The following SLC34A2 variants were observed in gnomAD, a reference collection of about 807,000 sequenced individuals.
SLC34A2 encodes the protein sodium-dependent phosphate transport protein 2B.
Under a neutral mutation model 50.8 loss-of-function variants are expected in SLC34A2, and 41 were observed. That is an observed-to-expected ratio of 0.81 (90% CI 0.63 to 1.05). The LOEUF (loss-of-function observed/expected upper bound fraction) is 1.05, where lower values mean the gene tolerates loss of function less well. SLC34A2 is among the 50% of genes least tolerant of loss of function. The pLI, the probability that SLC34A2 is intolerant of heterozygous loss-of-function variation, is 0.00. For synonymous variants in SLC34A2, 401 were observed against 364.2 expected (o/e 1.10, Z -1.15); for missense variants, 879 against 876.7 (o/e 1.00, Z -0.03).
rs1715230708 is a variant in SLC34A2, at chr4:25,677,885, T to A, written c.*1136T>A. 6.6e-6 allele frequency: 1 copy of A among 152,246 alleles called. No homozygotes were observed. Among genetic ancestry groups the A allele is most frequent in the South Asian group, 2.1e-4 (1 of 4,826 alleles). The allele number at this position is 152,246 out of a possible 1,614,324, so 9.4% of individuals were successfully genotyped here. ...AGATGGGCTTTGATTAGCTGTCCTC[T>A]CTCCATGCCTGCAAAGCTCCAGATT... On this transcript the variant is annotated 3_prime_UTR_variant, in exon 13 of 13. Coordinates refer to ENST00000382051, the MANE Select transcript of SLC34A2 (RefSeq NM_006424.3).
intron 12 of SLC34A2, among the ~76,000 whole-genome samples, chr4:25,675,392 C>T (rs1028894506): frequency 1.3e-5 from 2 of 152,200 alleles, no homozygotes; most frequent in Non-Finnish European, 1.5e-5. Context: ...GTGATCTAAC[C>T]TGAGCGTCAA....
intron 1 of SLC34A2, among the ~76,000 whole-genome samples, chr4:25,661,710 C>T (rs1714194328): frequency 1.3e-5 from 2 of 152,094 alleles, no homozygotes; most frequent in African/African-American, 2.4e-5. Flanking sequence ...TTCACATACA[C>T]ACTAAGTTGT....
At chr4:25,670,681 G>A in intron 7 of SLC34A2, 57 bp from the exon 8 acceptor site, 2 of 1,379,260 alleles carry the variant, frequency 1.5e-6, no homozygotes, top group Non-Finnish European at 2.1e-6. Flanking sequence ...CCCTGGGTTT[G>A]TGTCCTAAAT....
rs772094347 is a variant in SLC34A2, at chr4:25,667,932, G to C, written c.576G>C (p.Thr192=). The stretch of plus-strand genomic sequence containing the variant: ...TTATCATGGGGGCCAACATTGGAAC[G>C]TCAATCACCAACACTATTGTTGCGC... The part of the protein sequence containing the change: ...IPIIMGANIG[T]SITNTIVALM... The change falls in exon 6 of 13, where the codon ACG becomes ACC. Residue 192 remains threonine (T), a synonymous_variant. Transcript: ENST00000382051. 2 of 1,614,066 alleles carry C rather than the reference G, an allele frequency of 1.2e-6. No individual in the cohort carries two copies. Among genetic ancestry groups the C allele is most frequent in the Non-Finnish European group, 1.7e-6 (2 of 1,179,928 alleles).
chr4:25,676,659 T>C lies in SLC34A2; in HGVS notation c.1983T>C (p.Ala661=). ...AQEGQDVPVK[A]PETFDNITIS... is the part of the protein sequence containing the mutation. ...AGGGGCAGGATGTCCCTGTCAAGGC[T>C]CCTGAGACCTTTGATAACATAACCA... is the stretch of plus-strand genomic sequence containing the variant. Residue 661 remains alanine (A), a synonymous_variant, in exon 13 of 13, where the codon GCT becomes GCC. Transcript: ENST00000382051. 6.2e-7 allele frequency: 1 copy of C among 1,614,188 alleles called. No homozygotes were observed. Among genetic ancestry groups the C allele is most frequent in the Non-Finnish European group, 8.5e-7 (1 of 1,180,034 alleles).
chr4:25,676,907 G>A lies in SLC34A2; in HGVS notation c.*158G>A, dbSNP rs1409896681. 1 of 963,900 alleles carries A rather than the reference G, an allele frequency of 1.0e-6. No homozygotes were observed. The highest frequency in any genetic ancestry group is 1.4e-6 in the Non-Finnish European group (1 of 694,610). 59.7% of individuals were successfully genotyped at this position (963,900 alleles called of 1,614,324 possible). ...TACCTAACTCGATTCCCTTTGGCTT[G>A]GTGGTAGGCCTGCAGGGCACTTTTA... On this transcript the variant is annotated 3_prime_UTR_variant, in exon 13 of 13. Coordinates refer to ENST00000382051, the MANE Select transcript of SLC34A2 (RefSeq NM_006424.3).
At chr4:25,669,625 T>A (rs368328518) in intron 6 of SLC34A2, 22 bp from the exon 7 acceptor site, 141 of 1,612,374 alleles carry the variant, frequency 8.7e-5, no homozygotes, top group Non-Finnish European at 1.0e-4. Flanking sequence ...CTAATCTGGC[T>A]GTCGGGGTTT....
At chr4:25,663,251 G>A (rs1714310856) in intron 3 of SLC34A2, among the ~76,000 whole-genome samples, 1 of 152,252 alleles carries the variant, frequency 6.6e-6, no homozygotes, top group African/African-American at 2.4e-5. Flanking sequence ...ACAGCACCCG[G>A]CCACCCTCCC....
intron 7 of SLC34A2, among the ~76,000 whole-genome samples, chr4:25,670,426 A>C (rs939129561): frequency 2.6e-5 from 4 of 152,148 alleles, no homozygotes; most frequent in African/African-American, 9.7e-5. Context: ...CCTCAACACC[A>C]GTGGACTTGA....
At chr4:25,656,872 G>A (rs184411460) in intron 1 of SLC34A2, among the ~76,000 whole-genome samples, 167 of 152,270 alleles carry the variant, frequency 1.1e-3, no homozygotes, top group Non-Finnish European at 1.8e-4. Flanking sequence ...ATCGCTCTGG[G>A]CCTTGTCGTT....
At chr4:25,665,650 C>T (rs751179765) in intron 4 of SLC34A2, among the ~76,000 whole-genome samples, 29 of 152,156 alleles carry the variant, frequency 1.9e-4, no homozygotes, top group Non-Finnish European at 3.1e-4. Context: ...CATTCAATTA[C>T]AGGCTGGTGC....
rs67542457 is a variant in SLC34A2, at chr4:25,678,687, ATT to A, written c.*1956_*1957del. ...TGAGCCACCACCAGGCCTGATTGTA[ATT>A]TTTTTTTTTTTTTTTTTACTGGTTA... On this transcript the variant is annotated 3_prime_UTR_variant, in exon 13 of 13. Transcript: ENST00000382051. 0.24 allele frequency: 76,782 copies of A among 319,956 alleles called. 5,408 individuals carry two copies. The highest frequency in any genetic ancestry group is 0.28 in the Middle Eastern group (284 of 1,014). The allele number at this position is 319,956 out of a possible 1,614,324, so 19.8% of individuals were successfully genotyped here.
At chr4:25,670,482 T>C (rs947162776) in intron 7 of SLC34A2, among the ~76,000 whole-genome samples, 2 of 152,184 alleles carry the variant, frequency 1.3e-5, no homozygotes, top group Non-Finnish European at 2.9e-5. Flanking sequence ...CTCAGCCCCT[T>C]CTCCCTGGGT....
At position 25,667,957 on chromosome 4, in the gene SLC34A2, C is replaced by T. The variant is rs992817594; in HGVS notation, c.601C>T (p.Leu201Phe). The T allele has an allele frequency of 1.2e-6, 2 of 1,613,582 alleles. No homozygotes were observed. The highest frequency in any genetic ancestry group is 3.3e-5 in the Admixed American group (2 of 59,988). ...GTCAATCACCAACACTATTGTTGCG[C>T]TCATGCAGGTGGGAGATCGGAGTGA... ...GTSITNTIVA[L>F]MQVGDRSEFR... Residue 201 changes from leucine (L) to phenylalanine (F), a missense_variant, in exon 6 of 13, where the codon CTC (leucine) becomes TTC (phenylalanine). Physicochemically the swap from Leu to Phe is conservative, Grantham distance 22. Transcript: ENST00000382051.
rs563123598 is a variant in SLC34A2, at chr4:25,669,959, A to G, written c.831+117A>G. Reference sequence around the variant, plus strand: ...TATTCTGGGCCTGGCATGGTGGCTCACCCTTGTTTTCCCAGCACTTTGGGA... The same window carrying G: ...TATTCTGGGCCTGGCATGGTGGCTCGCCCTTGTTTTCCCAGCACTTTGGGA... On this transcript the variant is annotated intron_variant, in intron 7 of 12. Transcript: ENST00000382051. The G allele has an allele frequency of 4.0e-4, 399 of 999,218 alleles. No individual in the cohort carries two copies. In the African/African-American group the frequency reaches 5.7e-3, roughly 14 times the overall value. The allele number at this position is 999,218 out of a possible 1,614,324, so 61.9% of individuals were successfully genotyped here. A position where few individuals can be genotyped will look rare whatever the true frequency, so the allele number is the denominator to read the frequency against.
intron 3 of SLC34A2, among the ~76,000 whole-genome samples, chr4:25,663,823 C>A (rs1040155549): frequency 2.0e-5 from 3 of 152,202 alleles, no homozygotes; most frequent in Admixed American, 6.5e-5. Flanking sequence ...AACGTGACAG[C>A]CATTATCTCC....
chr4:25,656,935 G>T (rs1445889965), intron 1 of SLC34A2, among the ~76,000 whole-genome samples: 1 of 152,084 alleles, frequency 6.6e-6, no homozygotes, highest in Non-Finnish European at 1.5e-5. Flanking sequence ...ACTTGTCCTG[G>T]GTTGGGTATT....
chr4:25,670,687 T>G, intron 7 of SLC34A2, 51 bp from the exon 8 acceptor site: 3 of 1,456,750 alleles, frequency 2.1e-6, no homozygotes, highest in Non-Finnish European at 1.9e-6. Context: ...GTTTGTGTCC[T>G]AAATCGGTTC....
At chr4:25,674,858 A>C (rs181420361) in intron 12 of SLC34A2, among the ~76,000 whole-genome samples, 22 of 152,304 alleles carry the variant, frequency 1.4e-4, no homozygotes, top group African/African-American at 5.3e-4. Context: ...TTGTTTCAGC[A>C]AAAGTGGGGT....
Sources: gnomAD v4.1 joint callset for allele counts (sites outside exome capture counted in the v4.1 genomes callset) on GRCh38, gnomAD v4.1.1 for gene constraint, MANE v1.5 for transcripts, NCBI Gene and HGNC (gene_info 2026-07-23, HGNC 2026-07-21) for gene names.